Variants in AUTS2 observed in about 807,000 individuals in gnomAD.
AUTS2 encodes autism susceptibility gene 2 protein.
Under a neutral mutation model 112.4 loss-of-function variants are expected in AUTS2, and 17 were observed. The ratio of observed to expected loss-of-function variants is 0.15; its 90% confidence interval spans 0.10 to 0.23. The LOEUF is 0.23. Among genes scored for constraint, AUTS2 ranks in the 10% least tolerant of loss-of-function variants. The pLI is 1.00. For synonymous variants in AUTS2, 751 were observed against 702.7 expected (o/e 1.07, Z -1.09); for missense variants, 1,510 against 1,701.6 (o/e 0.89, Z 1.98).
rs1462663349 is a variant in AUTS2, at chr7:69,902,503, C to CT, written c.522+3008dup. Among the ~76,000 whole-genome samples, 3 of 152,086 alleles carry CT rather than the reference C, an allele frequency of 2.0e-5. No individual in the cohort carries two copies. In the East Asian group the frequency reaches 5.8e-4, roughly 29 times the overall value. ...AATAGGGAAGAGGCGAGAACTTAGT[C>CT]TTTATTTCTGACTTGGTTAGAATGA... On this transcript the variant is annotated intron_variant, in intron 2 of 18. Transcript: ENST00000342771.
chr7:70,395,722 A>G (rs556127970), intron 4 of AUTS2, among the ~76,000 whole-genome samples: 1 of 152,298 alleles, frequency 6.6e-6, no homozygotes, highest in South Asian at 2.1e-4. Flanking sequence ...GACTTTGAAG[A>G]TAAACATGGA....
chr7:70,523,602 G>A (rs1289804328), intron 5 of AUTS2, among the ~76,000 whole-genome samples: 1 of 152,188 alleles, frequency 6.6e-6, no homozygotes, highest in African/African-American at 2.4e-5. Flanking sequence ...TCAGTTTGGG[G>A]GCGTCTAGGG....
intron 1 of AUTS2, among the ~76,000 whole-genome samples, chr7:69,631,755 C>T (rs1449099006): frequency 1.3e-5 from 2 of 152,152 alleles, no homozygotes; most frequent in Admixed American, 6.5e-5. Flanking sequence ...CTAAAATCCC[C>T]AAATAACACT....
At chr7:70,503,349 G>A (rs1798838853) in intron 5 of AUTS2, among the ~76,000 whole-genome samples, 1 of 151,948 alleles carries the variant, frequency 6.6e-6, no homozygotes, top group Non-Finnish European at 1.5e-5. Flanking sequence ...GATTTACAAA[G>A]TCAGTAAACT....
intron 2 of AUTS2, among the ~76,000 whole-genome samples, chr7:70,079,633 T>C (rs899890885): frequency 6.6e-6 from 1 of 152,198 alleles, no homozygotes; most frequent in Non-Finnish European, 1.5e-5. Flanking sequence ...CTTGAGGTTA[T>C]TTACATCTAG....
At chr7:69,945,795 C>A (rs546413108) in intron 2 of AUTS2, among the ~76,000 whole-genome samples, 2 of 152,194 alleles carry the variant, frequency 1.3e-5, no homozygotes, top group Non-Finnish European at 2.9e-5. Flanking sequence ...TTTCCCTTGT[C>A]CTTGCCCTTG....
At chr7:69,958,960 G>A (rs149622751) in intron 2 of AUTS2, among the ~76,000 whole-genome samples, 168 of 152,292 alleles carry the variant, frequency 1.1e-3, no homozygotes, top group African/African-American at 3.8e-3. Context: ...GTACACCAGA[G>A]CTATTCTGGA....
intron 4 of AUTS2, among the ~76,000 whole-genome samples, chr7:70,158,774 A>AGTAT (rs1368044093): frequency 1.3e-5 from 2 of 152,070 alleles, no homozygotes; most frequent in African/African-American, 4.8e-5. Flanking sequence ...ACAAGTGTTG[A>AGTAT]GTATGTGTGA....
chr7:70,042,482 T>C (rs909687443), intron 2 of AUTS2, among the ~76,000 whole-genome samples: 6 of 152,174 alleles, frequency 3.9e-5, no homozygotes, highest in African/African-American at 1.4e-4. Context: ...AATTTTTTCC[T>C]CATTATTTTA....
chr7:70,498,448 G>C (rs1462439568), intron 5 of AUTS2, among the ~76,000 whole-genome samples: 1 of 152,124 alleles, frequency 6.6e-6, no homozygotes, highest in Non-Finnish European at 1.5e-5. Context: ...GGGTCTTGGG[G>C]TGGTGACTAT....
chr7:70,101,538 TACAA>T (rs1562693900), intron 2 of AUTS2, among the ~76,000 whole-genome samples: 2 of 151,904 alleles, frequency 1.3e-5, no homozygotes, highest in African/African-American at 4.8e-5. Flanking sequence ...TTACTAAAAA[TACAA>T]AAATTAGCCG....
chr7:70,426,702 G>A (rs938416331), intron 4 of AUTS2, among the ~76,000 whole-genome samples: 15 of 152,064 alleles, frequency 9.9e-5, no homozygotes, highest in African/African-American at 1.7e-4. Context: ...CTTTTGCATC[G>A]GGTAATGCGA....
chr7:70,362,347 C>G (rs1022551234), intron 4 of AUTS2, among the ~76,000 whole-genome samples: 1 of 152,004 alleles, frequency 6.6e-6, no homozygotes, highest in South Asian at 2.1e-4. Flanking sequence ...TCACTTCACT[C>G]CCTTTCCAGA....
At chr7:69,759,264 T>C (rs1375412938) in intron 1 of AUTS2, among the ~76,000 whole-genome samples, 9 of 152,016 alleles carry the variant, frequency 5.9e-5, no homozygotes, top group Admixed American at 4.6e-4. Flanking sequence ...ATTTTTTTTT[T>C]CCGAGTTTGA....
chr7:70,662,212 A>C (rs1334892004), intron 5 of AUTS2, among the ~76,000 whole-genome samples: 4 of 152,248 alleles, frequency 2.6e-5, no homozygotes, highest in Non-Finnish European at 4.4e-5. Context: ...TGCCCATTGC[A>C]CAGTGGCAGC....
intron 2 of AUTS2, among the ~76,000 whole-genome samples, chr7:70,029,461 A>G (rs968082476): frequency 2.0e-5 from 3 of 152,010 alleles, no homozygotes; most frequent in African/African-American, 7.3e-5. Flanking sequence ...ATTGAAACTT[A>G]TATTATGACA....
intron 5 of AUTS2, among the ~76,000 whole-genome samples, chr7:70,633,557 G>T (rs773241138): frequency 6.8e-5 from 10 of 147,808 alleles, no homozygotes; most frequent in Non-Finnish European, 1.3e-4. Context: ...GTTGCAGTGA[G>T]CTGAGATCCC....
intron 4 of AUTS2, among the ~76,000 whole-genome samples, chr7:70,268,761 T>C (rs775267991): frequency 2.2e-4 from 34 of 152,186 alleles, no homozygotes; most frequent in Admixed American, 4.6e-4. Flanking sequence ...TTATTATCAT[T>C]ATTACTATAT....
At chr7:70,305,178 A>G (rs941684334) in intron 4 of AUTS2, among the ~76,000 whole-genome samples, 5 of 152,158 alleles carry the variant, frequency 3.3e-5, no homozygotes, top group Non-Finnish European at 7.3e-5. Flanking sequence ...ATTATTATGA[A>G]TAATGGTGTA....
Sources: allele counts gnomAD v4.1 joint callset (sites outside exome capture counted in the v4.1 genomes callset), GRCh38; gene constraint gnomAD v4.1.1; transcripts MANE v1.5; gene names NCBI Gene and HGNC (gene_info 2026-07-23, HGNC 2026-07-21).